SLC5A1: variants seen among roughly 807,000 people sequenced by gnomAD.
SLC5A1 encodes the protein sodium/glucose cotransporter 1.
A neutral mutation model predicts 73.5 loss-of-function variants in SLC5A1; 42 were observed. The ratio of observed to expected loss-of-function variants is 0.57; its 90% CI spans 0.45 to 0.74. The LOEUF (loss-of-function observed/expected upper bound fraction) is 0.74. Ranked by LOEUF, SLC5A1 falls within the 30% of genes least tolerant of loss-of-function variation. The probability of loss-of-function intolerance (pLI) is 0.00; values close to 1 mark genes in which losing one functional copy is unlikely to be tolerated. For missense variants in SLC5A1, 634 were observed against 855.4 expected, an observed-to-expected ratio of 0.74 and a Z score of 3.23; for synonymous variants, 300 against 317.4, an observed-to-expected ratio of 0.95 and a Z score of 0.58.
chr22:32,044,992 C>T (rs962152175), intron 1 of SLC5A1, among the ~76,000 whole-genome samples: 19 of 152,182 alleles, frequency 1.2e-4, no homozygotes, highest in African/African-American at 4.3e-4. Flanking sequence ...TGCTAATCCC[C>T]GTTTTACAGA....
chr22:32,055,099 T>G (rs550163144), intron 2 of SLC5A1, among the ~76,000 whole-genome samples: 2 of 152,186 alleles, frequency 1.3e-5, no homozygotes, highest in African/African-American at 4.8e-5. Flanking sequence ...TAAACGCCAG[T>G]GGAAGACCTC....
intron 5 of SLC5A1, among the ~76,000 whole-genome samples, chr22:32,070,834 G>A (rs934284385): frequency 5.3e-5 from 8 of 152,032 alleles, no homozygotes; most frequent in Non-Finnish European, 1.2e-4. Flanking sequence ...CATTTTTTTT[G>A]TCCCCAAGGT....
chr22:32,102,291 C>A, intron 13 of SLC5A1, 54 bp downstream of exon 13: 1 of 1,374,214 alleles, frequency 7.3e-7, no homozygotes, highest in South Asian at 1.2e-5. Context: ...CTGCAATGTT[C>A]TTTAATTTTT....
At chr22:32,066,845 C>A in intron 2 of SLC5A1, 90 bp from the exon 3 acceptor site, 1 of 894,278 alleles carries the variant, frequency 1.1e-6, no homozygotes, top group Non-Finnish European at 1.9e-6. Context: ...TTGTCCTTCT[C>A]TTGGCTGACA....
chr22:32,058,970 G>T (rs1254578386), intron 2 of SLC5A1, among the ~76,000 whole-genome samples: 1 of 152,182 alleles, frequency 6.6e-6, no homozygotes, highest in Non-Finnish European at 1.5e-5. Context: ...CAGACATTTG[G>T]TTGCTATGGT....
At chr22:32,092,402 T>C (rs2094019472) in intron 11 of SLC5A1, among the ~76,000 whole-genome samples, 1 of 152,222 alleles carries the variant, frequency 6.6e-6, no homozygotes, top group Non-Finnish European at 1.5e-5. Flanking sequence ...ATTGTGCTGC[T>C]ATAAACCTGC....
chr22:32,090,030 A>G (rs1349113901), intron 10 of SLC5A1, among the ~76,000 whole-genome samples: 1 of 151,832 alleles, frequency 6.6e-6, no homozygotes, highest in African/African-American at 2.4e-5. Context: ...TGTTTAACAC[A>G]TCAAGAAATG....
chr22:32,102,314 A>G (rs1330540574), intron 13 of SLC5A1, 77 bp downstream of exon 13: 4 of 1,054,088 alleles, frequency 3.8e-6, no homozygotes, highest in East Asian at 4.7e-5. Flanking sequence ...TAAATTTTTC[A>G]TTATTATGGG....
rs147453689 is a variant in SLC5A1 at position 32,110,001 on chromosome 22, C to A, written c.1783C>A (p.Pro595Thr). 521 of 1,613,618 alleles carry A rather than the reference C, an allele frequency of 3.2e-4. No homozygotes were observed. The highest frequency in any genetic ancestry group is 4.0e-4 in the Non-Finnish European group (466 of 1,179,740). ...KETIEIETQV[P>T]EKKKGIFRRA... ...ATGCCTTTGCCCAGAAACACAAGTT[C>A]CTGAGAAGAAAAAAGGAATCTTCAG... The change falls in exon 15 of 15, where the codon CCT (proline) becomes ACT (threonine). Residue 595 changes from proline (P) to threonine (T), a missense_variant. By Grantham distance (38) the Pro-to-Thr change is conservative. Coordinates refer to ENST00000266088, the MANE Select transcript of SLC5A1 (RefSeq NM_000343.4).
At chr22:32,047,919 C>T (rs1037642630) in intron 1 of SLC5A1, among the ~76,000 whole-genome samples, 4 of 151,986 alleles carry the variant, frequency 2.6e-5, no homozygotes, top group Admixed American at 6.6e-5. Context: ...CCAGCACTTT[C>T]GGAAGCCGAG....
intron 2 of SLC5A1, among the ~76,000 whole-genome samples, chr22:32,062,832 A>G (rs899829565): frequency 2.0e-5 from 3 of 152,208 alleles, no homozygotes; most frequent in Non-Finnish European, 4.4e-5. Flanking sequence ...AGGGGAGTAC[A>G]GGTCATAAAA....
intron 11 of SLC5A1, among the ~76,000 whole-genome samples, chr22:32,096,978 A>G (rs1369044490): frequency 6.6e-6 from 1 of 152,366 alleles, no homozygotes; most frequent in East Asian, 1.9e-4. Flanking sequence ...TGAACCATAG[A>G]AAGTAGCACT....
intron 10 of SLC5A1, among the ~76,000 whole-genome samples, chr22:32,090,973 T>C (rs1289243006): frequency 6.6e-6 from 1 of 152,170 alleles, no homozygotes; most frequent in Non-Finnish European, 1.5e-5. Context: ...ACTATGGCTT[T>C]GATTTGAATT....
intron 5 of SLC5A1, among the ~76,000 whole-genome samples, chr22:32,071,427 G>A (rs1038749284): frequency 6.6e-6 from 1 of 152,078 alleles, no homozygotes; most frequent in Non-Finnish European, 1.5e-5. Context: ...TCCAGCCTGG[G>A]TGACATAGTG....
chr22:32,110,233 A>G lies in SLC5A1; in HGVS notation c.*20A>G. 2 of 1,547,460 alleles carry G rather than the reference A, an allele frequency of 1.3e-6. No homozygotes were observed. The highest frequency in any genetic ancestry group is 1.8e-6 in the Non-Finnish European group (2 of 1,120,200). On this transcript the variant is annotated 3_prime_UTR_variant, in exon 15 of 15. Transcript: ENST00000266088. Reference sequence around the variant, plus strand: ...GCCTGAGTCCTACCTTTTGCTGTAGATTTACCATGGCTGGACTCTTACTCA... The same window carrying G: ...GCCTGAGTCCTACCTTTTGCTGTAGGTTTACCATGGCTGGACTCTTACTCA...
chr22:32,095,918 T>A (rs1291866407), intron 11 of SLC5A1, among the ~76,000 whole-genome samples: 1 of 152,230 alleles, frequency 6.6e-6, no homozygotes, highest in African/African-American at 2.4e-5. Flanking sequence ...ACTTCTCCCG[T>A]GATCTAGACC....
intron 10 of SLC5A1, among the ~76,000 whole-genome samples, chr22:32,091,204 T>C (rs1433757486): frequency 6.6e-6 from 1 of 152,092 alleles, no homozygotes; most frequent in African/African-American, 2.4e-5. Flanking sequence ...GCCCCATCTT[T>C]TGAATAATAG....
chr22:32,093,961 A>T (rs937171700), intron 11 of SLC5A1, among the ~76,000 whole-genome samples: 13 of 151,770 alleles, frequency 8.6e-5, no homozygotes, highest in Non-Finnish European at 7.4e-5. Flanking sequence ...CCCTTTTGGT[A>T]TTATATTGGC....
At chr22:32,097,138 T>C (rs1056383160) in intron 11 of SLC5A1, among the ~76,000 whole-genome samples, 1 of 152,258 alleles carries the variant, frequency 6.6e-6, no homozygotes, top group African/African-American at 2.4e-5. Context: ...CTCACATTTT[T>C]GTGTATCCTG....
Sources: allele counts gnomAD v4.1 joint callset (sites outside exome capture counted in the v4.1 genomes callset), GRCh38; gene constraint gnomAD v4.1.1; transcripts MANE v1.5; gene names NCBI Gene and HGNC (gene_info 2026-07-23, HGNC 2026-07-21).